Variants in PDGFRB observed in about 807,000 individuals in gnomAD.
PDGFRB encodes platelet-derived growth factor receptor beta.
In PDGFRB, 42 loss-of-function variants were observed where a neutral mutation model predicts 120.2. The ratio of observed to expected loss-of-function variants is 0.35; its 90% CI spans 0.27 to 0.45. PDGFRB has a LOEUF of 0.45. Ranked by LOEUF, PDGFRB falls within the 20% of genes least tolerant of loss-of-function variation. The pLI is 1.00. For missense variants in PDGFRB, 1,149 were observed against 1,476.3 expected (o/e 0.78, Z 3.63); for synonymous variants, 586 against 606.8 (o/e 0.97, Z 0.50).
rs147742846 is a variant in PDGFRB, at chr5:150,129,863, C to T, written c.1473G>A (p.Val491=). Residue 491 remains valine (V), a synonymous_variant, in exon 10 of 23, where the codon GTG becomes GTA. Transcript: ENST00000261799. ...CGTGCTGCAGACGCAGTGTGCTCAC[C>T]ACCTCAAACTCCTGCTCCTCCTCCC... is the stretch of plus-strand genomic sequence containing the variant. ...TYWEEEQEFE[V]VSTLRLQHVD... is the part of the protein sequence containing the mutation. 1 of 1,614,120 alleles carries T rather than the reference C, an allele frequency of 6.2e-7. No individual in the cohort carries two copies. The highest frequency in any genetic ancestry group is 1.6e-4 in the Middle Eastern group (1 of 6,062).
intron 1 of PDGFRB, among the ~76,000 whole-genome samples, chr5:150,148,434 A>G (rs1291235055): frequency 1.3e-5 from 2 of 152,248 alleles, no homozygotes; most frequent in African/African-American, 4.8e-5. Context: ...GGGAACTGGC[A>G]TGGATAGGCA....
chr5:150,118,094 A>G (rs1192554423), intron 21 of PDGFRB, among the ~76,000 whole-genome samples: 1 of 151,652 alleles, frequency 6.6e-6, no homozygotes, highest in East Asian at 1.9e-4. Context: ...CAGGACTCTA[A>G]CTCTTCCCCC....
At position 150,114,845 on chromosome 5, in the gene PDGFRB, G is replaced by A. The variant is rs1759875825; in HGVS notation, c.*918C>T. 2 of 233,656 alleles carry A rather than the reference G, an allele frequency of 8.6e-6. No individual in the cohort carries two copies. Among genetic ancestry groups the A allele is most frequent in the Non-Finnish European group, 1.7e-5 (2 of 118,094 alleles). 14.5% of individuals were successfully genotyped at this position (233,656 alleles called of 1,614,324 possible). A position where few individuals can be genotyped will look rare whatever the true frequency, so the allele number is the denominator to read the frequency against. On this transcript the variant is annotated 3_prime_UTR_variant, in exon 23 of 23. Coordinates refer to ENST00000261799, the MANE Select transcript of PDGFRB (RefSeq NM_002609.4). The stretch of plus-strand genomic sequence containing the variant: ...AAGGGGAAACTGAGGCCCAGAGAGG[G>A]TGAGGGATTCCTCCAAAGCCTCATA...
intron 1 of PDGFRB, among the ~76,000 whole-genome samples, chr5:150,146,686 G>A (rs771306877): frequency 3.9e-5 from 6 of 152,192 alleles, no homozygotes; most frequent in Non-Finnish European, 8.8e-5. Flanking sequence ...AGCCTCCTGA[G>A]TAGCTGGGAC....
At chr5:150,118,210 G>A (rs1760022818) in intron 21 of PDGFRB, among the ~76,000 whole-genome samples, 1 of 152,110 alleles carries the variant, frequency 6.6e-6, no homozygotes, top group East Asian at 1.9e-4. Flanking sequence ...CATCTCCCAG[G>A]TCCCTGGGAC....
At chr5:150,123,227 G>A (rs373606468) in intron 14 of PDGFRB, 26 bp from the exon 15 acceptor site, 612 of 1,602,552 alleles carry the variant, frequency 3.8e-4, no homozygotes, top group Non-Finnish European at 4.9e-4. Context: ...CTCAGGGACA[G>A]TCCCTATGGA....
Position 150,132,647 on chromosome 5 carries a change from T to C in PDGFRB, c.1127+103A>G. On this transcript the variant is annotated intron_variant, in intron 7 of 22. Transcript: ENST00000261799. This position sits in a 1 kb window ranked among gnomAD's most constrained non-coding sequence, Gnocchi z 5.0. ...CCCCAGCACCTGGCACCTAATATGC[T>C]CTCAGAAAGCTGGGCCTAGGTTTGT... is the stretch of plus-strand genomic sequence containing the variant. 9.0e-7 allele frequency: 1 copy of C among 1,110,974 alleles called. No homozygotes were observed. The highest frequency in any genetic ancestry group is 1.3e-6 in the Non-Finnish European group (1 of 782,646). 68.8% of individuals were successfully genotyped at this position (1,110,974 alleles called of 1,614,324 possible).
At chr5:150,119,437 A>T in intron 20 of PDGFRB, 30 bp downstream of exon 20, 1 of 1,251,890 alleles carries the variant, frequency 8.0e-7, no homozygotes, top group Non-Finnish European at 1.2e-6. Flanking sequence ...GCAGCACAAA[A>T]TCCTCCCAAA....
intron 10 of PDGFRB, among the ~76,000 whole-genome samples, chr5:150,127,716 C>A (rs1336611470): frequency 6.6e-6 from 1 of 151,476 alleles, no homozygotes; most frequent in Non-Finnish European, 1.5e-5. Context: ...CTGCTGTCAT[C>A]CCAGCTATTT....
Position 150,119,460 on chromosome 5 carries a change from C to CA in PDGFRB, c.2798+6dup. The CA allele has an allele frequency of 6.6e-7, 1 of 1,506,288 alleles. No homozygotes were observed. The highest frequency in any genetic ancestry group is 9.2e-7 in the Non-Finnish European group (1 of 1,081,462). The allele number at this position is 1,506,288 out of a possible 1,614,324, so 93.3% of individuals were successfully genotyped here. On this transcript the variant is annotated splice_region_variant and intron_variant, in intron 20 of 22. Transcript: ENST00000261799. ...AAATCCTCCCAAATGCATGAGACTC[C>CA]ACTCACATCTCGTCGGAGGCATGGG...
rs1480384731 is a variant in PDGFRB, at chr5:150,130,575, G to A, written c.1331C>T (p.Pro444Leu). The A allele has an allele frequency of 8.7e-6, 14 of 1,612,738 alleles. No individual in the cohort carries two copies. Among genetic ancestry groups the A allele is most frequent in the East Asian group, 2.2e-5 (1 of 44,872 alleles). Residue 444 changes from proline (P) to leucine (L), a missense_variant, in exon 9 of 23, where the codon CCG becomes CTG. Around this residue, in one of 3 missense-constraint regions of PDGFRB, gnomAD observed 879 missense variants for 1,108.6 expected, o/e 0.79. Transcript: ENST00000261799. ...VRCRGRGMPQPNIIWSACRDL... is the reference protein window; with the variant it reads ...VRCRGRGMPQLNIIWSACRDL... ...TCTGCAGGCAGACCAGATGATGTTC[G>A]GCTGGGGCATGCCCCGGCCACGACA...
In PDGFRB at chr5:150,121,187, A is replaced by G; in HGVS notation, c.2463+17T>C. 2.2e-6 allele frequency: 3 copies of G among 1,340,852 alleles called. No homozygotes were observed. The highest frequency in any genetic ancestry group is 3.2e-6 in the Non-Finnish European group (3 of 931,602). The allele number at this position is 1,340,852 out of a possible 1,614,324, so 83.1% of individuals were successfully genotyped here. ...CTCCCCACAGCCCCCACTCTGCCCC[A>G]CCAACACCACACGTACGTTCTTGGA... On this transcript the variant is annotated intron_variant, in intron 17 of 22. Transcript: ENST00000261799. The surrounding 1 kb of genome is among the most constrained non-coding windows in gnomAD (Gnocchi z 4.1).
chr5:150,115,629 G>T lies in PDGFRB; in HGVS notation c.*134C>A. ...CAGGGTTTGGGGCACAACACGTCAG[G>T]AGCAGAAAGCTTCCAGAAGGGGACA... is the stretch of plus-strand genomic sequence containing the variant. On this transcript the variant is annotated 3_prime_UTR_variant, in exon 23 of 23. Coordinates refer to ENST00000261799, the MANE Select transcript of PDGFRB (RefSeq NM_002609.4). The T allele has an allele frequency of 1.2e-6, 1 of 812,536 alleles. No individual in the cohort carries two copies. Among genetic ancestry groups the T allele is most frequent in the Non-Finnish European group, 1.8e-6 (1 of 550,294 alleles). The allele number at this position is 812,536 out of a possible 1,614,324, so 50.3% of individuals were successfully genotyped here. A position where few individuals can be genotyped will look rare whatever the true frequency, so the allele number is the denominator to read the frequency against.
At chr5:150,143,427 G>C (rs1326709435) in intron 1 of PDGFRB, among the ~76,000 whole-genome samples, 1 of 152,154 alleles carries the variant, frequency 6.6e-6, no homozygotes, top group African/African-American at 2.4e-5. Context: ...GAAGGCAGCT[G>C]TGCTGAGCTG....
At chr5:150,140,461 G>A (rs779333555) in intron 1 of PDGFRB, among the ~76,000 whole-genome samples, 1 of 152,212 alleles carries the variant, frequency 6.6e-6, no homozygotes, top group African/African-American at 2.4e-5. Flanking sequence ...TGCCCATGAA[G>A]AGAGTGCTAT....
chr5:150,122,991 G>A (rs374702061), intron 15 of PDGFRB, 51 bp downstream of exon 15: 41 of 1,467,122 alleles, frequency 2.8e-5, no homozygotes, highest in Non-Finnish European at 3.3e-5. Flanking sequence ...GGGAAGGAGC[G>A]GTGCTCCTCA....
At chr5:150,129,668 C>T (rs112641999) in intron 10 of PDGFRB, 89 bp downstream of exon 10, 15 of 1,096,384 alleles carry the variant, frequency 1.4e-5, no homozygotes, top group Non-Finnish European at 2.0e-5. Context: ...ACTCCTTTGG[C>T]CTGCTGTGGG....
At chr5:150,151,564 ATGGGGAGAGTTTAGCTGGGTG>A (rs1213772588) in intron 1 of PDGFRB, among the ~76,000 whole-genome samples, 1 of 152,164 alleles carries the variant, frequency 6.6e-6, no homozygotes, top group Admixed American at 6.5e-5. Flanking sequence ...CACCTGTAAA[ATGGGGAGAGTTTAGCTGGGTG>A]CGGTGGCTCA....
At chr5:150,154,976 C>G (rs1054286783) in intron 1 of PDGFRB, among the ~76,000 whole-genome samples, 13 of 152,360 alleles carry the variant, frequency 8.5e-5, no homozygotes, top group African/African-American at 2.9e-4. Flanking sequence ...AGAAACAAGG[C>G]TTGGGCCAAG....
Sources: gnomAD v4.1 joint callset for allele counts (sites outside exome capture counted in the v4.1 genomes callset) on GRCh38, gnomAD v4.1.1 for gene constraint, gnomAD v4.1.1 regional missense constraint, Gnocchi (gnomAD v3.1) non-coding constraint, MANE v1.5 for transcripts, NCBI Gene and HGNC (gene_info 2026-07-23, HGNC 2026-07-21) for gene names.